The following EXOC6B variants were observed in gnomAD, a reference collection of about 807,000 sequenced individuals.
The protein encoded by EXOC6B is exocyst complex component 6B.
In EXOC6B, 54 loss-of-function variants were observed where a neutral mutation model predicts 113.5. The observed-to-expected ratio is 0.48, with a 90% CI of 0.38 to 0.60. The LOEUF is 0.60. Among genes scored for constraint, EXOC6B ranks in the 20% least tolerant of loss-of-function variants. The pLI, the probability that EXOC6B is intolerant of heterozygous loss-of-function variation, is 0.00. For synonymous variants in EXOC6B, 357 were observed against 339.0 expected, an observed-to-expected ratio of 1.05 and a Z score of -0.58; for missense variants, 797 against 977.5, an observed-to-expected ratio of 0.82 and a Z score of 2.46.
chr2:72,536,053 C>T (rs1702271682), intron 8 of EXOC6B, among the ~76,000 whole-genome samples: 1 of 151,946 alleles, frequency 6.6e-6, no homozygotes, highest in Non-Finnish European at 1.5e-5. Flanking sequence ...ATTTTATTAA[C>T]TTTTTATAGG....
At position 72,802,533 on chromosome 2, in the gene EXOC6B, T is replaced by C. The variant is rs188007100; in HGVS notation, c.113+23265A>G. ...ATGTATATAAATGCATAGAAAACATTTGAAATGTTTACCAAAACATTTACC... is the reference window on the plus strand; with the variant it reads ...ATGTATATAAATGCATAGAAAACATCTGAAATGTTTACCAAAACATTTACC... On this transcript the variant is annotated intron_variant, in intron 1 of 21. Coordinates refer to ENST00000272427, the MANE Select transcript of EXOC6B (RefSeq NM_015189.3). Among the ~76,000 whole-genome samples the C allele has an allele frequency of 2.0e-5, 3 of 152,270 alleles. No individual in the cohort carries two copies. In the East Asian group the frequency reaches 5.8e-4, roughly 29 times the overall value.
chr2:72,282,801 A>G (rs946349305), intron 20 of EXOC6B, among the ~76,000 whole-genome samples: 3 of 152,176 alleles, frequency 2.0e-5, no homozygotes, highest in African/African-American at 7.2e-5. Flanking sequence ...ACCCTTGGGC[A>G]AGAAGCATTA....
At chr2:72,764,447 C>G (rs1682944147) in intron 1 of EXOC6B, among the ~76,000 whole-genome samples, 2 of 137,748 alleles carry the variant, frequency 1.5e-5, no homozygotes, top group East Asian at 4.9e-4. Flanking sequence ...TCACAGCTCA[C>G]TGTAGCCCTG....
chr2:72,446,697 A>C (rs533338871), intron 18 of EXOC6B, among the ~76,000 whole-genome samples: 2 of 152,300 alleles, frequency 1.3e-5, no homozygotes, highest in East Asian at 3.9e-4. Context: ...GGGTGATGAA[A>C]TAATCTGTAC....
In EXOC6B at chr2:72,656,943, C is replaced by G. The variant is rs145222216; in HGVS notation, c.669+61160G>C. Among the ~76,000 whole-genome samples the G allele has an allele frequency of 9.7e-3, 1,473 of 152,060 alleles. 38 individuals carry two copies. Among genetic ancestry groups the G allele is most frequent in the African/African-American group, 0.034 (1,419 of 41,480 alleles). On this transcript the variant is annotated intron_variant, in intron 6 of 21. Transcript: ENST00000272427. Reference sequence around the variant, plus strand: ...CTCGGCTCACTGCAACCTCCACCCCCTAGGTTCAAGTGATTCTCCTGCCTC... The same window carrying G: ...CTCGGCTCACTGCAACCTCCACCCCGTAGGTTCAAGTGATTCTCCTGCCTC...
chr2:72,493,325 C>T (rs1258249950), intron 15 of EXOC6B, among the ~76,000 whole-genome samples: 3 of 143,038 alleles, frequency 2.1e-5, no homozygotes, highest in African/African-American at 8.4e-5. Flanking sequence ...TTTCTCCCCC[C>T]CCCCCCCCCG....
At chr2:72,613,857 T>C (rs747306712) in intron 6 of EXOC6B, among the ~76,000 whole-genome samples, 2 of 152,184 alleles carry the variant, frequency 1.3e-5, no homozygotes, top group African/African-American at 2.4e-5. Context: ...ATCTGGCCTA[T>C]AGTCAGTAAG....
At chr2:72,498,419 AAC>A (rs768218134) in intron 13 of EXOC6B, 33 bp downstream of exon 13, 59 of 1,436,080 alleles carry the variant, frequency 4.1e-5, no homozygotes, top group Non-Finnish European at 4.8e-5. Context: ...AATGTACATG[AAC>A]ACACACACAT....
intron 19 of EXOC6B, among the ~76,000 whole-genome samples, chr2:72,364,935 GAGA>G: frequency 6.6e-6 from 1 of 152,032 alleles, no homozygotes. Flanking sequence ...TCAAAATTCA[GAGA>G]AGGATGACTT....
chr2:72,289,101 G>T, intron 20 of EXOC6B: 1 of 282,870 alleles, frequency 3.5e-6, no homozygotes, highest in South Asian at 4.8e-5. Flanking sequence ...GGAAATCCTG[G>T]GATTCTTTTT....
intron 6 of EXOC6B, among the ~76,000 whole-genome samples, chr2:72,713,275 A>C (rs1679385556): frequency 6.6e-6 from 1 of 152,142 alleles, no homozygotes; most frequent in Non-Finnish European, 1.5e-5. Context: ...TCACCTACAT[A>C]ATTTCTAGAA....
chr2:72,439,547 G>A (rs1015422089), intron 18 of EXOC6B, among the ~76,000 whole-genome samples: 1 of 152,058 alleles, frequency 6.6e-6, no homozygotes, highest in African/African-American at 2.4e-5. Flanking sequence ...AAATTCTTAT[G>A]GTGTGTTTTT....
intron 20 of EXOC6B, among the ~76,000 whole-genome samples, chr2:72,221,350 C>T (rs182510443): frequency 1.3e-5 from 2 of 152,226 alleles, no homozygotes; most frequent in African/African-American, 4.8e-5. Context: ...AATGATAAAC[C>T]ATGGCTCTCC....
At chr2:72,731,792 C>T (rs1219139201) in intron 3 of EXOC6B, among the ~76,000 whole-genome samples, 2 of 152,076 alleles carry the variant, frequency 1.3e-5, no homozygotes, top group African/African-American at 4.8e-5. Flanking sequence ...TGCTTAGATA[C>T]CATGCAGAAA....
Position 72,668,537 on chromosome 2 carries a change from C to T in EXOC6B, c.669+49566G>A, listed in dbSNP as rs78099597. Reference sequence around the variant, plus strand: ...AACCTAGGTGCCCAACAACAGTAGACTAGATAAAGAAAATATGGTACATAT... The same window carrying T: ...AACCTAGGTGCCCAACAACAGTAGATTAGATAAAGAAAATATGGTACATAT... On this transcript the variant is annotated intron_variant, in intron 6 of 21. Transcript: ENST00000272427. Among the ~76,000 whole-genome samples the T allele has an allele frequency of 9.9e-5, 15 of 151,818 alleles. No individual in the cohort carries two copies. In the East Asian group the frequency reaches 2.5e-3, roughly 25 times the overall value.
chr2:72,202,921 C>G (rs192420299), intron 20 of EXOC6B, among the ~76,000 whole-genome samples: 1 of 152,290 alleles, frequency 6.6e-6, no homozygotes, highest in African/African-American at 2.4e-5. Context: ...GAAAGTCACA[C>G]TGAGGAGGGT....
chr2:72,747,520 C>T (rs536041290), intron 1 of EXOC6B, among the ~76,000 whole-genome samples: 17 of 152,174 alleles, frequency 1.1e-4, no homozygotes, highest in African/African-American at 4.1e-4. Flanking sequence ...AATCCTGAAA[C>T]AGCCCTATCT....
chr2:72,183,940 G>A, intron 21 of EXOC6B, 135 bp downstream of exon 21: 1 of 527,808 alleles, frequency 1.9e-6, no homozygotes, highest in Non-Finnish European at 3.4e-6. Context: ...ATTGCTGACA[G>A]CACCCAGGGC....
intron 20 of EXOC6B, among the ~76,000 whole-genome samples, chr2:72,231,649 T>C (rs1458769179): frequency 6.6e-6 from 1 of 152,056 alleles, no homozygotes; most frequent in East Asian, 1.9e-4. Context: ...GATATGCCCA[T>C]GAAACATGGG....
Sources: allele counts gnomAD v4.1 joint callset (sites outside exome capture counted in the v4.1 genomes callset), GRCh38; gene constraint gnomAD v4.1.1; transcripts MANE v1.5; gene names NCBI Gene and HGNC (gene_info 2026-07-23, HGNC 2026-07-21).